Variants in EGFR observed in about 807,000 individuals in gnomAD.
EGFR encodes the protein epidermal growth factor receptor.
EGFR carries 58 observed loss-of-function variants against 143.0 expected under a neutral mutation model. The observed-to-expected ratio is 0.41, with a 90% confidence interval of 0.33 to 0.50. The LOEUF (loss-of-function observed/expected upper bound fraction) is 0.50, where lower values mean the gene tolerates loss of function less well. Ranked by LOEUF, EGFR falls within the 20% of genes least tolerant of loss-of-function variation. The pLI is 0.39. For missense variants in EGFR, 1,307 were observed against 1,579.0 expected (o/e 0.83, Z 2.92); for synonymous variants, 613 against 594.4 (o/e 1.03, Z -0.45).
At chr7:55,203,005 C>G (rs559427459) in intron 27 of EGFR, 1 of 456,550 alleles carries the variant, frequency 2.2e-6, no homozygotes, top group Admixed American at 3.8e-5. Context: ...CTGGCTCTAT[C>G]TTGACCTGTG....
intron 1 of EGFR, among the ~76,000 whole-genome samples, chr7:55,075,047 G>A (rs1381457986): frequency 6.6e-6 from 1 of 152,146 alleles, no homozygotes; most frequent in African/African-American, 2.4e-5. Context: ...GACTTTTAAA[G>A]AGCATTTGTA....
chr7:55,173,286 G>A (rs763624743), intron 17 of EGFR, among the ~76,000 whole-genome samples, 162 bp downstream of exon 17: 8 of 152,246 alleles, frequency 5.3e-5, no homozygotes, highest in Non-Finnish European at 1.2e-4. Flanking sequence ...TTGGTGACAT[G>A]TTGGTACATC....
At chr7:55,089,939 CTTATTTAT>C (rs201718066) in intron 1 of EGFR, among the ~76,000 whole-genome samples, 26,294 of 145,020 alleles carry the variant, frequency 0.18, 2,663 homozygotes, top group Admixed American at 0.26. Flanking sequence ...GGTGATGCTA[CTTATTTAT>C]TTATTTATTT....
At chr7:55,028,843 A>T (rs1787087292) in intron 1 of EGFR, among the ~76,000 whole-genome samples, 2 of 152,234 alleles carry the variant, frequency 1.3e-5, no homozygotes. Flanking sequence ...CTTTTGATTA[A>T]GTCCAAACAT....
In EGFR at chr7:55,174,091, T is replaced by A. The variant is rs922214137; in HGVS notation, c.2184+48T>A. 3.1e-6 allele frequency: 5 copies of A among 1,613,108 alleles called. No homozygotes were observed. In the South Asian group the frequency reaches 5.5e-5, roughly 18 times the overall value. On this transcript the variant is annotated intron_variant, in intron 18 of 27. Coordinates refer to ENST00000275493, the MANE Select transcript of EGFR (RefSeq NM_005228.5). ...CTGGGCTGGGCCGCAGGGCCTCTCA[T>A]GGTCTGGTGGGGAGCCCAGAGTCCT...
intron 22 of EGFR, among the ~76,000 whole-genome samples, chr7:55,197,562 A>G (rs972070459): frequency 6.6e-6 from 1 of 152,174 alleles, no homozygotes; most frequent in East Asian, 1.9e-4. Context: ...AGGAGTGTTG[A>G]GAGAGGGAAT....
chr7:55,173,206 A>G (rs1157081376), intron 17 of EGFR, 82 bp downstream of exon 17: 2 of 1,572,814 alleles, frequency 1.3e-6, no homozygotes, highest in Non-Finnish European at 1.7e-6. Flanking sequence ...GGCCATTAGC[A>G]GTTGTGTATG....
Position 55,028,790 on chromosome 7 carries a change from T to C in EGFR, c.88+9425T>C, listed in dbSNP as rs80205649. On this transcript the variant is annotated intron_variant, in intron 1 of 27. Transcript: ENST00000275493. ...AGAAAGTTAAGCAATTATCTGTTTA[T>C]AGGTAACAAAAACCCTGGAACCCCA... 9.0e-3 allele frequency among the ~76,000 whole-genome samples: 1,366 copies of C among 152,346 alleles called. 11 individuals are homozygous for C. The highest frequency in any genetic ancestry group is 0.034 in the Middle Eastern group (10 of 294).
At chr7:55,190,100 T>C (rs1040048293) in intron 20 of EGFR, among the ~76,000 whole-genome samples, 1 of 152,084 alleles carries the variant, frequency 6.6e-6, no homozygotes, top group Non-Finnish European at 1.5e-5. Context: ...CAGTCCTCTT[T>C]TGGGAAGCGC....
At chr7:55,037,885 T>C (rs983254837) in intron 1 of EGFR, among the ~76,000 whole-genome samples, 21 of 152,158 alleles carry the variant, frequency 1.4e-4, no homozygotes, top group African/African-American at 4.8e-4. Flanking sequence ...TGATTCTAAC[T>C]AAGAAGGATA....
At chr7:55,044,668 A>C (rs537939456) in intron 1 of EGFR, among the ~76,000 whole-genome samples, 1 of 152,318 alleles carries the variant, frequency 6.6e-6, no homozygotes, top group South Asian at 2.1e-4. Flanking sequence ...TCCAGCTTGA[A>C]AAGCAAATCT....
chr7:55,123,591 G>A (rs1793339681), intron 1 of EGFR, among the ~76,000 whole-genome samples: 1 of 152,060 alleles, frequency 6.6e-6, no homozygotes. Flanking sequence ...GCAATTGCTG[G>A]CAGCAGCTTG....
Position 55,205,304 on chromosome 7 carries a change from A to G in EGFR, c.3320A>G (p.Asn1107Ser), listed in dbSNP as rs918187279. 6.2e-7 allele frequency: 1 copy of G among 1,612,732 alleles called. No individual in the cohort carries two copies. Among genetic ancestry groups the G allele is most frequent in the African/African-American group, 1.3e-5 (1 of 75,000 alleles). ...AAAAGGCCCGCTGGCTCTGTGCAGA[A>G]TCCTGTCTATCACAATCAGCCTCTG... ...VPKRPAGSVQ[N>S]PVYHNQPLNP... Residue 1107 changes from asparagine (N) to serine (S), a missense_variant, in exon 28 of 28, where the codon AAT becomes AGT. This residue lies in a region of EGFR where 313 missense variants were observed against 312.3 expected (regional missense o/e 1.00). Coordinates refer to ENST00000275493, the MANE Select transcript of EGFR (RefSeq NM_005228.5).
chr7:55,151,353 T>C lies in EGFR; in HGVS notation c.619T>C (p.Cys207Arg). 1 of 1,614,204 alleles carries C rather than the reference T, an allele frequency of 6.2e-7. No individual in the cohort carries two copies. Among genetic ancestry groups the C allele is most frequent in the Non-Finnish European group, 8.5e-7 (1 of 1,180,034 alleles). ...GSCWGAGEEN[C>R]QKLTKIICAQ... Reference sequence around the variant, plus strand: ...CTGCTGGGGTGCAGGAGAGGAGAACTGCCAGAAACGTAAGTCAGTGAACAG... The same window carrying C: ...CTGCTGGGGTGCAGGAGAGGAGAACCGCCAGAAACGTAAGTCAGTGAACAG... The change falls in exon 5 of 28, where the codon TGC becomes CGC. Residue 207 changes from cysteine to arginine, a missense_variant. Cys to Arg is a radical substitution (Grantham distance 180). Coordinates refer to ENST00000275493, the MANE Select transcript of EGFR (RefSeq NM_005228.5).
chr7:55,061,487 C>G (rs1789163520), intron 1 of EGFR, among the ~76,000 whole-genome samples: 2 of 152,170 alleles, frequency 1.3e-5, no homozygotes, highest in African/African-American at 2.4e-5. Context: ...TTTCATTCAG[C>G]TCTCCTCGTC....
chr7:55,028,025 TAC>T (rs5884398), intron 1 of EGFR, among the ~76,000 whole-genome samples: 6,444 of 100,738 alleles, frequency 0.064, 220 homozygotes, highest in African/African-American at 0.11. Context: ...TATATATATA[TAC>T]ACACACACAC....
chr7:55,066,823 T>C (rs1789533931), intron 1 of EGFR, among the ~76,000 whole-genome samples: 1 of 152,184 alleles, frequency 6.6e-6, no homozygotes. Flanking sequence ...AACAAAGTCT[T>C]TGATGTGTGC....
chr7:55,202,773 AAGG>A (rs757421731), intron 27 of EGFR, 148 bp downstream of exon 27: 6 of 755,218 alleles, frequency 7.9e-6, no homozygotes, highest in Admixed American at 4.0e-5. Context: ...TGAAGGGCGT[AAGG>A]AGCAGATAAA....
At chr7:55,019,521 G>C (rs1012618064) in intron 1 of EGFR, among the ~76,000 whole-genome samples, 156 bp downstream of exon 1, 1 of 152,002 alleles carries the variant, frequency 6.6e-6, no homozygotes, top group Non-Finnish European at 1.5e-5. Context: ...GACCGGGACC[G>C]CGGGAGGAAC....
Sources: gnomAD v4.1 joint callset for allele counts (sites outside exome capture counted in the v4.1 genomes callset) on GRCh38, gnomAD v4.1.1 for gene constraint, gnomAD v4.1.1 regional missense constraint, MANE v1.5 for transcripts, NCBI Gene and HGNC (gene_info 2026-07-23, HGNC 2026-07-21) for gene names.